Variants in CAPS2 observed in about 807,000 individuals in gnomAD.
The protein encoded by CAPS2 is calcyphosin-2.
A neutral mutation model predicts 86.5 loss-of-function variants in CAPS2; 98 were observed. The observed-to-expected ratio is 1.13, with a 90% CI of 0.96 to 1.34. The LOEUF (loss-of-function observed/expected upper bound fraction) is 1.34. Ranked by LOEUF, CAPS2 falls within the 40% of genes most tolerant of loss-of-function variation. The pLI is 0.00. For missense variants in CAPS2, 729 were observed against 686.8 expected (o/e 1.06, Z -0.69); for synonymous variants, 210 against 225.1 (o/e 0.93, Z 0.60).
intron 1 of CAPS2, among the ~76,000 whole-genome samples, chr12:75,349,297 T>A (rs1430072040): frequency 6.6e-6 from 1 of 152,078 alleles, no homozygotes; most frequent in Admixed American, 6.6e-5. Flanking sequence ...TTTGACTGTA[T>A]CCCACATAAG....
At chr12:75,389,003 CA>C (rs1330215249) in intron 1 of CAPS2, among the ~76,000 whole-genome samples, 1 of 151,610 alleles carries the variant, frequency 6.6e-6, no homozygotes, top group East Asian at 1.9e-4. Flanking sequence ...CAAAACAAAA[CA>C]AAAAAAACAC....
At chr12:75,281,239 G>T (rs2033889511) in intron 16 of CAPS2, among the ~76,000 whole-genome samples, 1 of 151,828 alleles carries the variant, frequency 6.6e-6, no homozygotes, top group African/African-American at 2.4e-5. Context: ...TTTAAATGCA[G>T]ACATCCCAGT....
chr12:75,315,966 A>G (rs2039711670), intron 6 of CAPS2, among the ~76,000 whole-genome samples: 2 of 152,140 alleles, frequency 1.3e-5, no homozygotes, highest in African/African-American at 2.4e-5. Flanking sequence ...GCCTGAATTT[A>G]TCTAATGTTA....
chr12:75,299,018 G>T, intron 9 of CAPS2, 52 bp from the exon 10 acceptor site: 2 of 1,177,930 alleles, frequency 1.7e-6, no homozygotes, highest in Non-Finnish European at 1.2e-6. Flanking sequence ...ATTTTTAGAT[G>T]AATTAACTAA....
chr12:75,370,114 G>A, intron 1 of CAPS2: 1 of 1,607,138 alleles, frequency 6.2e-7, no homozygotes, highest in Non-Finnish European at 8.5e-7. Flanking sequence ...AACGGGGAGA[G>A]CACCTCAGCA....
chr12:75,294,755 A>G (rs2036593240), intron 11 of CAPS2, among the ~76,000 whole-genome samples: 1 of 152,192 alleles, frequency 6.6e-6, no homozygotes, highest in South Asian at 2.1e-4. Context: ...AAAAACATGT[A>G]TGTGTCGGGA....
intron 6 of CAPS2, among the ~76,000 whole-genome samples, chr12:75,313,482 A>G (rs1270104032): frequency 6.6e-6 from 1 of 152,216 alleles, no homozygotes; most frequent in African/African-American, 2.4e-5. Context: ...ACTTTTCTCA[A>G]TTACTAGCTT....
chr12:75,355,800 A>G (rs1188636032), intron 1 of CAPS2, among the ~76,000 whole-genome samples: 2 of 152,220 alleles, frequency 1.3e-5, no homozygotes, highest in Non-Finnish European at 2.9e-5. Flanking sequence ...TGCAGCCATA[A>G]AAAGGAATGA....
chr12:75,293,459 TG>T (rs1424162059), intron 11 of CAPS2, 92 bp from the exon 12 acceptor site: 15 of 798,968 alleles, frequency 1.9e-5, no homozygotes, highest in Non-Finnish European at 2.9e-5. Flanking sequence ...TTGATTAATG[TG>T]ACACGATATA....
chr12:75,334,594 C>T, upstream of CAPS2: 2 of 1,455,016 alleles, frequency 1.4e-6, no homozygotes, highest in Non-Finnish European at 1.8e-6. Context: ...GTTGATCCAG[C>T]CGCGCTGGGC....
intron 11 of CAPS2, 149 bp downstream of exon 11, chr12:75,298,538 C>T: frequency 1.8e-6 from 1 of 552,710 alleles, no homozygotes; most frequent in African/African-American, 1.9e-5. Flanking sequence ...CCTGGCAAAA[C>T]ATCAACCATT....
chr12:75,277,585 T>C (rs1480562451), exon 17 of CAPS2: 3 of 975,978 alleles, frequency 3.1e-6, no homozygotes, highest in Non-Finnish European at 3.7e-6. Context: ...ATATTTTCCC[T>C]CTCATGTTTT....
chr12:75,357,318 A>G (rs962638004), intron 1 of CAPS2, among the ~76,000 whole-genome samples: 3 of 152,244 alleles, frequency 2.0e-5, no homozygotes, highest in Non-Finnish European at 2.9e-5. Context: ...AGAGAACATA[A>G]GAGTCCTACA....
At chr12:75,290,087 C>A (rs2035577559) in intron 13 of CAPS2, among the ~76,000 whole-genome samples, 1 of 152,124 alleles carries the variant, frequency 6.6e-6, no homozygotes, top group African/African-American at 2.4e-5. Flanking sequence ...CAAATAAAAT[C>A]TTAGATTTTG....
Position 75,324,074 on chromosome 12 carries a change from T to C in CAPS2, c.132-852A>G, listed in dbSNP as rs557998311. On this transcript the variant is annotated intron_variant, in intron 2 of 16. Coordinates refer to ENST00000393284, the Ensembl canonical transcript of CAPS2. ...TCAACCTAAAATTATATCATGTCTA[T>C]ACCTGTCACACAGTGAATAGCCCCA... Among the ~76,000 whole-genome samples, 25 of 152,362 alleles carry C rather than the reference T, an allele frequency of 1.6e-4. No individual in the cohort carries two copies. In the South Asian group the frequency reaches 5.0e-3, roughly 30 times the overall value.
upstream of CAPS2, among the ~76,000 whole-genome samples, chr12:75,327,534 A>T (rs536529296): frequency 2.6e-5 from 4 of 152,186 alleles, no homozygotes; most frequent in South Asian, 8.3e-4. Context: ...CTTTTTCTAT[A>T]GTCTTAGATT....
At chr12:75,313,367 T>C (rs1318274993) in intron 6 of CAPS2, among the ~76,000 whole-genome samples, 1 of 152,212 alleles carries the variant, frequency 6.6e-6, no homozygotes, top group Non-Finnish European at 1.5e-5. Flanking sequence ...TTTGAATTGT[T>C]TGACCTTTCA....
upstream of CAPS2, among the ~76,000 whole-genome samples, chr12:75,330,912 G>C (rs1271629841): frequency 1.3e-5 from 2 of 151,922 alleles, no homozygotes; most frequent in Non-Finnish European, 2.9e-5. Flanking sequence ...AGCCTCCCAA[G>C]TAGTTGGGAT....
intron 5 of CAPS2, among the ~76,000 whole-genome samples, chr12:75,319,801 G>C (rs1159296988): frequency 6.6e-6 from 1 of 152,056 alleles, no homozygotes; most frequent in East Asian, 1.9e-4. Context: ...GCTTTAAAGA[G>C]GGGCTTATAT....
Sources: allele counts gnomAD v4.1 joint callset (sites outside exome capture counted in the v4.1 genomes callset), GRCh38; gene constraint gnomAD v4.1.1; transcripts MANE v1.5; gene names NCBI Gene and HGNC (gene_info 2026-07-23, HGNC 2026-07-21).